LRRTM4: variants seen among roughly 807,000 people sequenced by gnomAD.
LRRTM4 encodes the protein leucine-rich repeat transmembrane neuronal protein 4.
A neutral mutation model predicts 47.6 loss-of-function variants in LRRTM4; 25 were observed. The ratio of observed to expected loss-of-function variants is 0.53; its 90% confidence interval spans 0.38 to 0.73. LRRTM4 has a LOEUF of 0.73. LRRTM4 is among the 30% of genes least tolerant of loss of function. The pLI is 0.00. For synonymous variants in LRRTM4, 311 were observed against 269.5 expected, an observed-to-expected ratio of 1.15 and a Z score of -1.51; for missense variants, 638 against 713.4, an observed-to-expected ratio of 0.89 and a Z score of 1.20.
In LRRTM4 at chr2:76,798,355, G is replaced by T. The variant is rs557232031; in HGVS notation, c.1552-49439C>A. Among the ~76,000 whole-genome samples the T allele has an allele frequency of 5.9e-5, 9 of 151,944 alleles. No homozygotes were observed. The South Asian group carries it at 1.9e-3, about 32-fold the overall frequency. ...CAACCTGCTCCTGAATGACTACTGG[G>T]TACATAACGAAATGAAGGCACAAAT... On this transcript the variant is annotated intron_variant, in intron 3 of 3. Transcript: ENST00000409884.
intron 3 of LRRTM4, among the ~76,000 whole-genome samples, chr2:76,998,025 G>T (rs113097099): frequency 0.047 from 7,169 of 151,894 alleles, 365 homozygotes; most frequent in East Asian, 0.14. Context: ...GGCTTCCACT[G>T]ATTATACATT....
chr2:76,868,595 A>G (rs773693475), intron 3 of LRRTM4, among the ~76,000 whole-genome samples: 4 of 152,210 alleles, frequency 2.6e-5, no homozygotes, highest in East Asian at 1.9e-4. Context: ...AGGCTTGTGT[A>G]GCTTTCCCTC....
chr2:76,965,847 A>T (rs1234194467), intron 3 of LRRTM4, among the ~76,000 whole-genome samples: 1 of 151,486 alleles, frequency 6.6e-6, no homozygotes, highest in East Asian at 1.9e-4. Context: ...TATGCAAATG[A>T]AAGTACTAAT....
intron 3 of LRRTM4, among the ~76,000 whole-genome samples, chr2:77,153,551 C>G (rs1246996214): frequency 6.6e-6 from 1 of 152,086 alleles, no homozygotes; most frequent in African/African-American, 2.4e-5. Context: ...TTTATTATGC[C>G]TCAACTTAAA....
intron 3 of LRRTM4, chr2:77,517,630 A>T (rs1679259450): frequency 1.0e-6 from 1 of 984,308 alleles, no homozygotes; most frequent in African/African-American, 1.7e-5. Context: ...CAAACAAACA[A>T]ACAAAAAAAG....
At chr2:76,752,901 C>A (rs1404107750) in intron 3 of LRRTM4, among the ~76,000 whole-genome samples, 1 of 152,162 alleles carries the variant, frequency 6.6e-6, no homozygotes, top group Non-Finnish European at 1.5e-5. Context: ...CACTCTATAG[C>A]ACAGCAGAAC....
rs1169849837 is a variant in LRRTM4, at chr2:76,920,709, T to C, written c.1552-171793A>G. Among the ~76,000 whole-genome samples, 10 of 152,246 alleles carry C rather than the reference T, an allele frequency of 6.6e-5. No homozygotes were observed. The East Asian group carries it at 9.6e-4, about 15-fold the overall frequency. ...TGCTACAGCAGTAAGTAAAATGTAG[T>C]GTATAAAACAAAGCTCCCAGAACAA... is the stretch of plus-strand genomic sequence containing the variant. On this transcript the variant is annotated intron_variant, in intron 3 of 3. Transcript: ENST00000409884.
chr2:76,917,619 T>C (rs1674298459), intron 3 of LRRTM4, among the ~76,000 whole-genome samples: 1 of 152,070 alleles, frequency 6.6e-6, no homozygotes, highest in Non-Finnish European at 1.5e-5. Flanking sequence ...AAGCTCCAAA[T>C]TCACTCTTCC....
intron 3 of LRRTM4, among the ~76,000 whole-genome samples, chr2:77,249,458 A>G (rs1037777350): frequency 6.0e-5 from 9 of 151,178 alleles, no homozygotes; most frequent in African/African-American, 2.4e-5. Flanking sequence ...TGCAAAAGAC[A>G]TATCTGACAA....
At chr2:77,209,671 T>C (rs1037687187) in intron 3 of LRRTM4, among the ~76,000 whole-genome samples, 1 of 152,146 alleles carries the variant, frequency 6.6e-6, no homozygotes, top group African/African-American at 2.4e-5. Flanking sequence ...CAATGCAAGG[T>C]TTCTAGTGAA....
At chr2:76,912,490 A>T in intron 3 of LRRTM4, among the ~76,000 whole-genome samples, 1 of 152,222 alleles carries the variant, frequency 6.6e-6, no homozygotes. Context: ...AAATTCTTAG[A>T]AACAAAATCA....
At chr2:77,455,316 T>C (rs565917075) in intron 3 of LRRTM4, among the ~76,000 whole-genome samples, 1 of 152,228 alleles carries the variant, frequency 6.6e-6, no homozygotes, top group Non-Finnish European at 1.5e-5. Flanking sequence ...TACTAATTTG[T>C]AAGAGTATCT....
At chr2:77,076,506 C>T (rs918348163) in intron 3 of LRRTM4, among the ~76,000 whole-genome samples, 2 of 152,046 alleles carry the variant, frequency 1.3e-5, no homozygotes, top group African/African-American at 2.4e-5. Flanking sequence ...ACAACTGTCA[C>T]GATAATGAGA....
chr2:76,761,177 T>C (rs1019687806), intron 3 of LRRTM4, among the ~76,000 whole-genome samples: 2 of 152,246 alleles, frequency 1.3e-5, no homozygotes, highest in African/African-American at 4.8e-5. Context: ...TAATTCCCTA[T>C]GCCTGCCGGG....
In LRRTM4 at chr2:77,177,751, G is replaced by T. The variant is rs948166171; in HGVS notation, c.1551+340567C>A. ...TGACTGAGTGATTTCTTAAGGACTT[G>T]ATTCTTTTCAGCTAAATTAGCTGCA... is the stretch of plus-strand genomic sequence containing the variant. On this transcript the variant is annotated intron_variant, in intron 3 of 3. Coordinates refer to ENST00000409884, the MANE Select transcript of LRRTM4 (RefSeq NM_001134745.3). Among the ~76,000 whole-genome samples, 11 of 152,304 alleles carry T rather than the reference G, an allele frequency of 7.2e-5. No individual in the cohort carries two copies. The South Asian group carries it at 2.3e-3, about 32-fold the overall frequency.
At chr2:77,300,680 A>G (rs1677112993) in intron 3 of LRRTM4, among the ~76,000 whole-genome samples, 1 of 152,172 alleles carries the variant, frequency 6.6e-6, no homozygotes, top group Non-Finnish European at 1.5e-5. Context: ...ATTAATTACT[A>G]CTTCTTGGAA....
At chr2:76,816,819 GTTTT>G (rs201525166) in intron 3 of LRRTM4, among the ~76,000 whole-genome samples, 1 of 96,522 alleles carries the variant, frequency 1.0e-5, no homozygotes, top group Non-Finnish European at 2.5e-5. Context: ...GAGGTAAAGA[GTTTT>G]TTTTTTTTTT....
intron 3 of LRRTM4, among the ~76,000 whole-genome samples, chr2:76,851,304 A>G (rs1208762869): frequency 6.6e-6 from 1 of 152,212 alleles, no homozygotes; most frequent in East Asian, 1.9e-4. Context: ...CAATAAAAAA[A>G]TGATGCCATT....
intron 3 of LRRTM4, among the ~76,000 whole-genome samples, chr2:77,045,038 C>A (rs1199076893): frequency 6.6e-6 from 1 of 151,654 alleles, no homozygotes; most frequent in Non-Finnish European, 1.5e-5. Flanking sequence ...AGGTACCTGC[C>A]TTTTAAATAT....
Sources: allele counts gnomAD v4.1 joint callset (sites outside exome capture counted in the v4.1 genomes callset), GRCh38; gene constraint gnomAD v4.1.1; transcripts MANE v1.5; gene names NCBI Gene and HGNC (gene_info 2026-07-23, HGNC 2026-07-21).